The following FBXL18 variants were observed in gnomAD, a reference collection of about 807,000 sequenced individuals.
FBXL18 encodes F-box and leucine rich repeat protein 18.
FBXL18 carries 36 observed loss-of-function variants against 46.0 expected under a neutral mutation model. That is an observed-to-expected ratio of 0.78 (90% confidence interval 0.60 to 1.03). The LOEUF (loss-of-function observed/expected upper bound fraction) is 1.03, where lower values mean the gene tolerates loss of function less well. Ranked by LOEUF, FBXL18 falls within the 50% of genes least tolerant of loss-of-function variation. The pLI is 0.00. For missense variants in FBXL18, 977 were observed against 1,004.1 expected, an observed-to-expected ratio of 0.97 and a Z score of 0.36; for synonymous variants, 557 against 465.3, an observed-to-expected ratio of 1.20 and a Z score of -2.54.
chr7:5,462,966 AAAAAT>A (rs1783274422), intron 4 of FBXL18, among the ~76,000 whole-genome samples: 1 of 22,714 alleles, frequency 4.4e-5, no homozygotes, highest in Non-Finnish European at 9.5e-5. Flanking sequence ...AAAAAAAAAA[AAAAAT>A]ATATATATAT....
At chr7:5,492,472 G>C (rs866376140) in intron 3 of FBXL18, among the ~76,000 whole-genome samples, 1 of 151,804 alleles carries the variant, frequency 6.6e-6, no homozygotes, top group African/African-American at 2.4e-5. Flanking sequence ...TCCCGGGGTG[G>C]GGGGAGGAGC....
At chr7:5,461,627 A>T (rs1045347479) in intron 4 of FBXL18, among the ~76,000 whole-genome samples, 1 of 152,032 alleles carries the variant, frequency 6.6e-6, no homozygotes, top group African/African-American at 2.4e-5. Context: ...TGGGCAACAG[A>T]GCAAAACTCT....
At chr7:5,467,286 G>A (rs1783356341) in intron 4 of FBXL18, among the ~76,000 whole-genome samples, 2 of 152,164 alleles carry the variant, frequency 1.3e-5, no homozygotes, top group Non-Finnish European at 2.9e-5. Flanking sequence ...GGGAGGCGGA[G>A]CTTGCAGTGA....
At chr7:5,490,181 G>C in intron 4 of FBXL18, 6 of 1,345,390 alleles carry the variant, frequency 4.5e-6, no homozygotes, top group Non-Finnish European at 6.0e-6. Flanking sequence ...TCTGTGAACA[G>C]CTGGGGCCTC....
At chr7:5,499,278 T>C (rs528932655) in intron 3 of FBXL18, among the ~76,000 whole-genome samples, 1 of 150,506 alleles carries the variant, frequency 6.6e-6, no homozygotes, top group East Asian at 2.0e-4. Context: ...CCCACCTTCC[T>C]TGTCTGCCCC....
rs1783157338 is a variant in FBXL18 at position 5,455,416 on chromosome 7, C to T, written c.2001-7573G>A. Among the ~76,000 whole-genome samples, 1 of 151,754 alleles carries T rather than the reference C, an allele frequency of 6.6e-6. No individual in the cohort carries two copies. The highest frequency in any genetic ancestry group is 1.5e-5 in the Non-Finnish European group (1 of 67,908). On this transcript the variant is annotated intron_variant and NMD_transcript_variant, in intron 4 of 6. Coordinates refer to the FBXL18 transcript ENST00000415009. This position sits in a 1 kb window ranked among gnomAD's most constrained non-coding sequence, Gnocchi z 4.6. ...ACTCTAGGGAGTACTCTTGGGGAGC[C>T]TATCTGGGGAGTAGCATCAAGGAGC...
intron 1 of FBXL18, among the ~76,000 whole-genome samples, chr7:5,508,765 C>T (rs1433046986): frequency 2.0e-5 from 3 of 152,090 alleles, no homozygotes; most frequent in African/African-American, 4.8e-5. Context: ...TTTATCAGAA[C>T]CAGGGACAGT....
intron 4 of FBXL18, among the ~76,000 whole-genome samples, chr7:5,469,969 G>T (rs1405338589): frequency 6.6e-6 from 1 of 152,130 alleles, no homozygotes; most frequent in Non-Finnish European, 1.5e-5. Context: ...TCAGAGTGTG[G>T]GATGTGGCAT....
chr7:5,496,358 C>A lies in FBXL18; in HGVS notation c.1781+4130G>T, dbSNP rs570850401. ...CTTCCGGAACACCCCCTCCCTCCGG[C>A]CAGTGCCTCCCTTGCTGACAGCCTC... On this transcript the variant is annotated intron_variant, in intron 3 of 4. Transcript: ENST00000382368. The surrounding 1 kb of genome is among the most constrained non-coding windows in gnomAD (Gnocchi z 4.8). 2.0e-5 allele frequency among the ~76,000 whole-genome samples: 3 copies of A among 152,318 alleles called. No individual in the cohort carries two copies. The highest frequency in any genetic ancestry group is 2.1e-4 in the South Asian group (1 of 4,826).
chr7:5,511,904 A>G (rs1307162294), intron 1 of FBXL18, among the ~76,000 whole-genome samples: 1 of 151,960 alleles, frequency 6.6e-6, no homozygotes, highest in Non-Finnish European at 1.5e-5. Context: ...CAACACAGTC[A>G]CACCTCATCT....
At position 5,505,548 on chromosome 7, in the gene FBXL18, T is replaced by C; in HGVS notation, c.101A>G (p.Glu34Gly). The change falls in exon 2 of 5, where the codon GAG becomes GGG. Residue 34 changes from glutamate (E) to glycine (G), a missense_variant. Glu to Gly is a moderately conservative substitution (Grantham distance 98). Coordinates refer to ENST00000382368, the MANE Select transcript of FBXL18 (RefSeq NM_024963.6). The stretch of plus-strand genomic sequence containing the variant: ...GTGACTCAGGATGTGAAGGAGGATC[T>C]CATCAGAGAACCCTAGGAGGTGGAC... ...DGVHLLGFSD[E>G]ILLHILSHVP... is the part of the protein sequence containing the mutation. 1 of 1,614,114 alleles carries C rather than the reference T, an allele frequency of 6.2e-7. No homozygotes were observed. Among genetic ancestry groups the C allele is most frequent in the African/African-American group, 1.3e-5 (1 of 75,046 alleles).
At chr7:5,495,816 C>T (rs977964845) in intron 3 of FBXL18, 2 of 476,930 alleles carry the variant, frequency 4.2e-6, no homozygotes, top group African/African-American at 2.0e-5. Context: ...TCCAGAGGAA[C>T]GGGGCCAGCT....
chr7:5,463,451 C>A (rs565457488), intron 4 of FBXL18, among the ~76,000 whole-genome samples: 1 of 151,734 alleles, frequency 6.6e-6, no homozygotes, highest in East Asian at 1.9e-4. Flanking sequence ...AAGACCTCAT[C>A]TCCACAAAAT....
chr7:5,455,735 T>TC lies in FBXL18; in HGVS notation c.2001-7893dup, dbSNP rs1783163280. ...TTTTTGGATGTCCCTAGATGGTGCC[T>TC]CCCCCCCACCCCCACTACACACACA... On this transcript the variant is annotated intron_variant and NMD_transcript_variant, in intron 4 of 6. Coordinates refer to the FBXL18 transcript ENST00000415009. This position sits in a 1 kb window ranked among gnomAD's most constrained non-coding sequence, Gnocchi z 4.6. 2.0e-5 allele frequency among the ~76,000 whole-genome samples: 3 copies of TC among 146,468 alleles called. No individual in the cohort carries two copies.
chr7:5,503,113 A>G (rs1430516790), intron 2 of FBXL18, among the ~76,000 whole-genome samples: 1 of 152,272 alleles, frequency 6.6e-6, no homozygotes, highest in Non-Finnish European at 1.5e-5. Context: ...CGGGCGCTTC[A>G]GCGCATGCCT....
intron 4 of FBXL18, among the ~76,000 whole-genome samples, chr7:5,484,588 C>T (rs1165158396): frequency 6.6e-6 from 1 of 151,362 alleles, no homozygotes; most frequent in Non-Finnish European, 1.5e-5. Context: ...TCATAGCTCA[C>T]TGAAGCCAGT....
Position 5,463,728 on chromosome 7 carries a change from A to ATTTTTTTTTTTT in FBXL18, c.2001-15897_2001-15886dup, listed in dbSNP as rs552002078. On this transcript the variant is annotated intron_variant and NMD_transcript_variant, in intron 4 of 6. Coordinates refer to the FBXL18 transcript ENST00000415009. ...TATTTATTTATTTATTTATTTATTT[A>ATTTTTTTTTTTT]TTTTTTTTTTTTTTTTTTTTTTTTT... Among the ~76,000 whole-genome samples the ATTTTTTTTTTTT allele has an allele frequency of 1.5e-3, 77 of 53,010 alleles. 1 individual carries two copies. Among genetic ancestry groups the ATTTTTTTTTTTT allele is most frequent in the Admixed American group, 2.6e-3 (9 of 3,464 alleles). 34.8% of individuals were successfully genotyped at this position (53,010 alleles called of 152,430 possible).
At chr7:5,510,814 C>A (rs1584249012) in intron 1 of FBXL18, among the ~76,000 whole-genome samples, 1 of 152,138 alleles carries the variant, frequency 6.6e-6, no homozygotes, top group South Asian at 2.1e-4. Flanking sequence ...GCAGCTGAGG[C>A]TTCCAGACAG....
In FBXL18 at chr7:5,491,356, G is replaced by C. The variant is rs200944793; in HGVS notation, c.1875C>G (p.Ser625Arg). The C allele has an allele frequency of 1.2e-6, 2 of 1,610,086 alleles. No homozygotes were observed. Among genetic ancestry groups the C allele is most frequent in the Non-Finnish European group, 1.7e-6 (2 of 1,178,912 alleles). Residue 625 changes from serine to arginine, a missense_variant, in exon 4 of 5, where the codon AGC (serine) becomes AGG (arginine). Physicochemically the swap from Ser to Arg is moderately radical, Grantham distance 110. Transcript: ENST00000382368. ...SLQRLCLVSR[S>R]GTLQPDAVLA... is the part of the protein sequence containing the mutation. ...GCACGGCATCGGGCTGGAGGGTGCC[G>C]CTGCGAGAGACCAGGCACAGGCGCT...
Sources: allele counts gnomAD v4.1 joint callset (sites outside exome capture counted in the v4.1 genomes callset), GRCh38; gene constraint gnomAD v4.1.1; non-coding constraint Gnocchi (gnomAD v3.1); transcripts MANE v1.5; gene names NCBI Gene and HGNC (gene_info 2026-07-23, HGNC 2026-07-21).